The following BICD2 variants were observed in gnomAD, a reference collection of about 807,000 sequenced individuals.
BICD2 encodes the protein protein bicaudal D homolog 2.
Under a neutral mutation model 72.9 loss-of-function variants are expected in BICD2, and 25 were observed. The observed-to-expected ratio is 0.34, with a 90% confidence interval of 0.25 to 0.48. The LOEUF is 0.48. BICD2 is among the 20% of genes least tolerant of loss of function. BICD2 has a pLI of 0.99. For synonymous variants in BICD2, 501 were observed against 516.1 expected (o/e 0.97, Z 0.40); for missense variants, 894 against 1,175.2 (o/e 0.76, Z 3.50).
chr9:92,714,093 C>T lies in BICD2; in HGVS notation c.*1061G>A, dbSNP rs1853249661. 3.0e-6 allele frequency: 3 copies of T among 985,892 alleles called. No individual in the cohort carries two copies. Among genetic ancestry groups the T allele is most frequent in the African/African-American group, 3.5e-5 (2 of 57,260 alleles). 61.1% of individuals were successfully genotyped at this position (985,892 alleles called of 1,614,324 possible). On this transcript the variant is annotated 3_prime_UTR_variant, in exon 7 of 7. Transcript: ENST00000356884. ...TTCCTCTTTCTCTGTTGCCATCCCC[C>T]AGATTGCACTAAATAAAGAGACCTA...
intron 6 of BICD2, among the ~76,000 whole-genome samples, chr9:92,716,845 C>T (rs1853325624): frequency 6.6e-6 from 1 of 152,224 alleles, no homozygotes. Context: ...GTGCACCCAC[C>T]AGGGGCAGCC....
At chr9:92,763,487 G>A (rs552199687) in intron 1 of BICD2, among the ~76,000 whole-genome samples, 1 of 152,248 alleles carries the variant, frequency 6.6e-6, no homozygotes, top group South Asian at 2.1e-4. Context: ...TTTGCAGAGG[G>A]GGAAACTAAG....
At position 92,722,735 on chromosome 9, in the gene BICD2, C is replaced by A. The variant is rs1207286970; in HGVS notation, c.527G>T (p.Arg176Leu). ...CAGTTCCGAGTAGTCCTGCAGCAGA[C>A]GAGCTTCCCGGAATTTGTACTCCTT... Reference protein sequence around the residue: ...DIKEYKFREARLLQDYSELEE... With the variant: ...DIKEYKFREALLLQDYSELEE... Residue 176 changes from arginine to leucine, a missense_variant, in exon 3 of 7, where the codon CGT becomes CTT. Around this residue, in one of 5 missense-constraint regions of BICD2, gnomAD observed 192 missense variants for 243.6 expected, o/e 0.79. Transcript: ENST00000356884. 3.1e-6 allele frequency: 5 copies of A among 1,614,106 alleles called. No individual in the cohort carries two copies. In the African/African-American group the frequency reaches 5.3e-5, roughly 17 times the overall value.
intron 6 of BICD2, 129 bp downstream of exon 6, chr9:92,717,668 G>A (rs1391176832): frequency 5.6e-6 from 7 of 1,247,490 alleles, no homozygotes; most frequent in East Asian, 5.2e-5. Flanking sequence ...TGATGGAGCT[G>A]GGCACAGCCA....
At chr9:92,721,542 TAAGA>T (rs2131503316) in intron 3 of BICD2, among the ~76,000 whole-genome samples, 1 of 152,206 alleles carries the variant, frequency 6.6e-6, no homozygotes, top group African/African-American at 2.4e-5. Flanking sequence ...GAGAAAAAAA[TAAGA>T]AACAAACCAG....
chr9:92,741,010 T>C (rs1368382042), intron 1 of BICD2, among the ~76,000 whole-genome samples: 1 of 152,190 alleles, frequency 6.6e-6, no homozygotes, highest in Admixed American at 6.5e-5. Context: ...TCCACAACCA[T>C]ATCCACTCAA....
At chr9:92,734,980 CTTT>C (rs1853752869) in intron 1 of BICD2, among the ~76,000 whole-genome samples, 1 of 152,202 alleles carries the variant, frequency 6.6e-6, no homozygotes, top group Non-Finnish European at 1.5e-5. Context: ...CTCATCTGGG[CTTT>C]GAGGAGGAAG....
At position 92,729,040 on chromosome 9, in the gene BICD2, G is replaced by A; in HGVS notation, c.437C>T (p.Ala146Val). The A allele has an allele frequency of 5.0e-6, 8 of 1,614,064 alleles. No individual in the cohort carries two copies. Among genetic ancestry groups the A allele is most frequent in the Non-Finnish European group, 6.8e-6 (8 of 1,179,980 alleles). Reference sequence around the variant, plus strand: ...CCCCCTCACCTCCTTCAGCTCCTGGGCCACAGAGGCCAGGCGCTCATTCTC... The same window carrying A: ...CCCCCTCACCTCCTTCAGCTCCTGGACCACAGAGGCCAGGCGCTCATTCTC... ...QSENERLASV[A>V]QELKEINQNV... The change falls in exon 2 of 7, where the codon GCC becomes GTC. Residue 146 changes from alanine (A) to valine (V), a missense_variant. This residue lies in a region of BICD2 where 192 missense variants were observed against 243.6 expected (regional missense o/e 0.79). Transcript: ENST00000356884.
In BICD2 at chr9:92,719,085, C is replaced by G; in HGVS notation, c.1560G>C (p.Leu520=). 6.2e-7 allele frequency: 1 copy of G among 1,613,100 alleles called. No individual in the cohort carries two copies. The highest frequency in any genetic ancestry group is 1.1e-5 in the South Asian group (1 of 91,088). ...SDVAGETQGS[L]SVAQDELVTF... ...TCACCAGCTCATCCTGGGCCACACTCAGGCTGCCCTGTGTCTCGCCGGCGA... is the reference window on the plus strand; with the variant it reads ...TCACCAGCTCATCCTGGGCCACACTGAGGCTGCCCTGTGTCTCGCCGGCGA... Residue 520 remains leucine, a synonymous_variant, in exon 5 of 7, where the codon CTG becomes CTC. Transcript: ENST00000356884.
Position 92,722,688 on chromosome 9 carries a change from G to C in BICD2, c.574C>G (p.Gln192Glu), listed in dbSNP as rs1853487434. Residue 192 changes from glutamine (Q) to glutamate (E), a missense_variant, in exon 3 of 7, where the codon CAG (glutamine) becomes GAG (glutamate). Gln to Glu is a conservative substitution (Grantham distance 29). Transcript: ENST00000356884. ...SELEEENISL[Q>E]KQVSVLRQNQ... Reference sequence around the variant, plus strand: ...TGTCTGAGCACAGACACTTGCTTCTGCAGGCTGATGTTCTCCTCCTCCAGT... The same window carrying C: ...TGTCTGAGCACAGACACTTGCTTCTCCAGGCTGATGTTCTCCTCCTCCAGT... 6.2e-7 allele frequency: 1 copy of C among 1,614,080 alleles called. No homozygotes were observed. Among genetic ancestry groups the C allele is most frequent in the Admixed American group, 1.7e-5 (1 of 60,002 alleles).
In BICD2 at chr9:92,757,312, CAA is replaced by C. The variant is rs1169381290; in HGVS notation, c.240+7191_240+7192del. On this transcript the variant is annotated intron_variant, in intron 1 of 6. Transcript: ENST00000356884. ...CTGGGCGACAGAACGAGACTGTCTCCAAAAAAAAAAAAAAAAAAAAAAAAAAA... is the reference window on the plus strand; with the variant it reads ...CTGGGCGACAGAACGAGACTGTCTCCAAAAAAAAAAAAAAAAAAAAAAAAA... Among the ~76,000 whole-genome samples, 465 of 52,640 alleles carry C rather than the reference CAA, an allele frequency of 8.8e-3. 1 individual carries two copies. The highest frequency in any genetic ancestry group is 0.04 in the African/African-American group (434 of 10,986). The allele number at this position is 52,640 out of a possible 152,430, so 34.5% of individuals were successfully genotyped here.
At chr9:92,757,619 A>C (rs1854287951) in intron 1 of BICD2, among the ~76,000 whole-genome samples, 1 of 147,028 alleles carries the variant, frequency 6.8e-6, no homozygotes, top group Non-Finnish European at 1.5e-5. Context: ...AGGCAGGAGA[A>C]TGGTGTGAAC....
At chr9:92,723,425 G>A (rs1347874087) in intron 2 of BICD2, among the ~76,000 whole-genome samples, 2 of 152,210 alleles carry the variant, frequency 1.3e-5, no homozygotes, top group East Asian at 1.9e-4. Flanking sequence ...TGAATGACCC[G>A]TGAACACATT....
chr9:92,733,835 C>T lies in BICD2; in HGVS notation c.241-4599G>A, dbSNP rs567226484. Reference sequence around the variant, plus strand: ...ACAAAAAATTAGCCAGGCGTGGCGGCGGGCGCCCGTAGTCCCAGCTACTGG... The same window carrying T: ...ACAAAAAATTAGCCAGGCGTGGCGGTGGGCGCCCGTAGTCCCAGCTACTGG... On this transcript the variant is annotated intron_variant, in intron 1 of 6. Transcript: ENST00000356884. Among the ~76,000 whole-genome samples, 16 of 152,072 alleles carry T rather than the reference C, an allele frequency of 1.1e-4. No homozygotes were observed. In the South Asian group the frequency reaches 2.3e-3, roughly 22 times the overall value.
chr9:92,725,898 G>A (rs1853558249), intron 2 of BICD2, among the ~76,000 whole-genome samples: 1 of 152,226 alleles, frequency 6.6e-6, no homozygotes, highest in South Asian at 2.1e-4. Flanking sequence ...ATGAGACCCA[G>A]CTCTGACCCC....
At chr9:92,755,758 G>A (rs1010286004) in intron 1 of BICD2, among the ~76,000 whole-genome samples, 1 of 152,206 alleles carries the variant, frequency 6.6e-6, no homozygotes, top group African/African-American at 2.4e-5. Context: ...TGGTACTGAG[G>A]GAACATGGGT....
At chr9:92,761,047 G>T (rs1564075383) in intron 1 of BICD2, among the ~76,000 whole-genome samples, 1 of 152,176 alleles carries the variant, frequency 6.6e-6, no homozygotes, top group African/African-American at 2.4e-5. Flanking sequence ...CCCAGGTGCT[G>T]GGAACAGGGC....
At chr9:92,715,982 G>A (rs1270621122) in intron 6 of BICD2, among the ~76,000 whole-genome samples, 1 of 152,192 alleles carries the variant, frequency 6.6e-6, no homozygotes, top group Non-Finnish European at 1.5e-5. Flanking sequence ...AAGGAACCAC[G>A]TGTGTGGACG....
rs372097396 is a variant in BICD2, at chr9:92,729,150, G to A, written c.327C>T (p.Ser109=). Residue 109 remains serine, a synonymous_variant, in exon 2 of 7, where the codon TCC becomes TCT. Transcript: ENST00000356884. ...CCTTCCGCACGTAGTACTGCTCCTT[G>A]GAGGCCGACTCCTGGATCAGGCTCT... is the stretch of plus-strand genomic sequence containing the variant. ...REESLIQESA[S]KEQYYVRKVL... is the part of the protein sequence containing the mutation. 10 of 1,614,244 alleles carry A rather than the reference G, an allele frequency of 6.2e-6. No individual in the cohort carries two copies. Among genetic ancestry groups the A allele is most frequent in the Non-Finnish European group, 8.5e-6 (10 of 1,180,052 alleles).
Sources: allele counts gnomAD v4.1 joint callset (sites outside exome capture counted in the v4.1 genomes callset), GRCh38; gene constraint gnomAD v4.1.1; regional missense constraint gnomAD v4.1.1; transcripts MANE v1.5; gene names NCBI Gene and HGNC (gene_info 2026-07-23, HGNC 2026-07-21).